Variants in LGR6 observed in about 807,000 individuals in gnomAD.
The protein encoded by LGR6 is leucine rich repeat containing G protein-coupled receptor 6.
LGR6 carries 45 observed loss-of-function variants against 69.4 expected under a neutral mutation model. That is an observed-to-expected ratio of 0.65 (90% CI 0.51 to 0.83). LGR6 has a LOEUF of 0.83. Among genes scored for constraint, LGR6 ranks in the 40% least tolerant of loss-of-function variants. The pLI, the probability that LGR6 is intolerant of heterozygous loss-of-function variation, is 0.00. For missense variants in LGR6, 1,108 were observed against 1,246.7 expected (o/e 0.89, Z 1.68); for synonymous variants, 538 against 555.0 (o/e 0.97, Z 0.43).
chr1:202,242,690 G>C (rs1384638354), intron 4 of LGR6, among the ~76,000 whole-genome samples: 2 of 152,156 alleles, frequency 1.3e-5, no homozygotes, highest in African/African-American at 4.8e-5. Flanking sequence ...GGAAAGACCT[G>C]AGCTGCTCCA....
At chr1:202,209,173 C>G (rs1050492814) in intron 1 of LGR6, among the ~76,000 whole-genome samples, 3 of 152,136 alleles carry the variant, frequency 2.0e-5, no homozygotes, top group Non-Finnish European at 4.4e-5. Flanking sequence ...GGGAGAGAGC[C>G]CAAAGCTAAC....
chr1:202,239,165 C>T (rs1163236405), intron 4 of LGR6, among the ~76,000 whole-genome samples: 1 of 152,174 alleles, frequency 6.6e-6, no homozygotes, highest in Non-Finnish European at 1.5e-5. Flanking sequence ...GGCTCTTTTC[C>T]TGCTTCTGCT....
chr1:202,310,357 T>C lies in LGR6; in HGVS notation c.1567T>C (p.Tyr523His), dbSNP rs1365964654. The C allele has an allele frequency of 6.2e-7, 1 of 1,612,976 alleles. No individual in the cohort carries two copies. Among genetic ancestry groups the C allele is most frequent in the Non-Finnish European group, 8.5e-7 (1 of 1,179,850 alleles). ...CCTTGCCAGACAAGCAGAGAACCACTGTGAGTGACCAGGGGCCCTGGGTTG... is the reference window on the plus strand; with the variant it reads ...CCTTGCCAGACAAGCAGAGAACCACCGTGAGTGACCAGGGGCCCTGGGTTG... Reference protein sequence around the residue: ...GLLARQAENHYDQDLDELQLE... With the variant: ...GLLARQAENHHDQDLDELQLE... Residue 523 changes from tyrosine (Y) to histidine (H), a missense_variant and splice_region_variant, in exon 16 of 18, where the codon TAT becomes CAT. Coordinates refer to ENST00000367278, the MANE Select transcript of LGR6 (RefSeq NM_001017403.2).
intron 4 of LGR6, among the ~76,000 whole-genome samples, chr1:202,260,359 A>C (rs1283447788): frequency 6.6e-6 from 1 of 151,272 alleles, no homozygotes; most frequent in African/African-American, 2.4e-5. Context: ...TTTCAGACAG[A>C]GTCTCGCTCT....
chr1:202,215,329 T>C (rs542524507), intron 1 of LGR6, among the ~76,000 whole-genome samples: 1 of 152,310 alleles, frequency 6.6e-6, no homozygotes, highest in East Asian at 1.9e-4. Flanking sequence ...CCAGTTCCTC[T>C]TCTGGTGGCC....
chr1:202,285,347 C>T (rs758320899), intron 6 of LGR6, among the ~76,000 whole-genome samples: 6 of 152,174 alleles, frequency 3.9e-5, no homozygotes, highest in Non-Finnish European at 8.8e-5. Flanking sequence ...GGACTTCCAT[C>T]GAGGTCCTCC....
intron 3 of LGR6, among the ~76,000 whole-genome samples, chr1:202,233,208 T>G (rs1031445525): frequency 6.6e-6 from 1 of 152,202 alleles, no homozygotes; most frequent in African/African-American, 2.4e-5. Flanking sequence ...TCAGAAACCT[T>G]AAAGATCTTT....
intron 3 of LGR6, among the ~76,000 whole-genome samples, chr1:202,231,555 TA>T (rs1661075846): frequency 6.6e-6 from 1 of 152,214 alleles, no homozygotes; most frequent in South Asian, 2.1e-4. Context: ...GAACAGATGT[TA>T]AGGAGGATCT....
chr1:202,194,261 C>G lies in LGR6; in HGVS notation c.212+60C>G, dbSNP rs1213412567. ...CGGGCTGCTGGCTAGCGCCCAGTCC[C>G]GGCCTCAGCAGGGCACCTGCTTGCT... On this transcript the variant is annotated intron_variant, in intron 1 of 17. Transcript: ENST00000367278. The G allele has an allele frequency of 3.1e-6, 4 of 1,298,142 alleles. No homozygotes were observed. In the East Asian group the frequency reaches 1.1e-4, roughly 35 times the overall value. 80.4% of individuals were successfully genotyped at this position (1,298,142 alleles called of 1,614,324 possible).
At chr1:202,206,307 C>G (rs1659229319) in intron 1 of LGR6, among the ~76,000 whole-genome samples, 2 of 152,216 alleles carry the variant, frequency 1.3e-5, no homozygotes, top group South Asian at 4.1e-4. Flanking sequence ...GACCTGGGCT[C>G]CCACCCTCAC....
chr1:202,264,133 T>C (rs1303242450), intron 4 of LGR6, among the ~76,000 whole-genome samples: 1 of 152,050 alleles, frequency 6.6e-6, no homozygotes, highest in Non-Finnish European at 1.5e-5. Context: ...CCAGTTCTCA[T>C]ACTGGTCACA....
At chr1:202,243,942 T>G (rs1055882668) in intron 4 of LGR6, among the ~76,000 whole-genome samples, 150 of 150,590 alleles carry the variant, frequency 1.0e-3, no homozygotes, top group African/African-American at 1.7e-3. Flanking sequence ...ACAAAGTCTT[T>G]TTGTTGTTGT....
intron 2 of LGR6, among the ~76,000 whole-genome samples, chr1:202,227,036 A>C (rs1262773908): frequency 6.6e-6 from 1 of 152,188 alleles, no homozygotes; most frequent in East Asian, 1.9e-4. Flanking sequence ...TAGAGGCTCC[A>C]CCTAAAGGAC....
At chr1:202,227,910 C>A in intron 2 of LGR6, 26 bp from the exon 3 acceptor site, 1 of 1,583,924 alleles carries the variant, frequency 6.3e-7, no homozygotes, top group Non-Finnish European at 8.7e-7. Context: ...CTGCCAACAT[C>A]GCTGACCCTT....
chr1:202,274,029 G>A (rs1404918380), intron 4 of LGR6, among the ~76,000 whole-genome samples: 1 of 152,140 alleles, frequency 6.6e-6, no homozygotes, highest in Non-Finnish European at 1.5e-5. Context: ...GGGTTAGGAG[G>A]AGAGTCTGGG....
At chr1:202,198,673 T>TG (rs1256616388) in intron 1 of LGR6, among the ~76,000 whole-genome samples, 9 of 101,640 alleles carry the variant, frequency 8.9e-5, no homozygotes, top group African/African-American at 2.3e-4. Context: ...TTTAGGTTTT[T>TG]TTTTTTTTTT....
chr1:202,257,123 A>G lies in LGR6; in HGVS notation c.429-19183A>G, dbSNP rs140982437. Among the ~76,000 whole-genome samples, 123 of 152,166 alleles carry G rather than the reference A, an allele frequency of 8.1e-4. No homozygotes were observed. The East Asian group carries it at 0.021, about 26-fold the overall frequency. On this transcript the variant is annotated intron_variant, in intron 4 of 17. Transcript: ENST00000367278. ...TAAAGACATAAGTCCCTTATCAGAT[A>G]TATGGTTTGAAAATGTTTTTCTCCC... is the stretch of plus-strand genomic sequence containing the variant.
At chr1:202,286,193 G>A (rs1558063173) in intron 6 of LGR6, among the ~76,000 whole-genome samples, 1 of 152,148 alleles carries the variant, frequency 6.6e-6, no homozygotes, top group Non-Finnish European at 1.5e-5. Context: ...CATATCTTTT[G>A]GGGGCTACAT....
chr1:202,194,622 G>A, intron 1 of LGR6: 1 of 529,712 alleles, frequency 1.9e-6, no homozygotes, highest in Non-Finnish European at 3.8e-6. Context: ...GCGTGCCCCA[G>A]TAGGGTGGAA....
Sources: gnomAD v4.1 joint callset for allele counts (sites outside exome capture counted in the v4.1 genomes callset) on GRCh38, gnomAD v4.1.1 for gene constraint, MANE v1.5 for transcripts, NCBI Gene and HGNC (gene_info 2026-07-23, HGNC 2026-07-21) for gene names.